Variants in MINDY2 observed in about 807,000 individuals in gnomAD.
The protein encoded by MINDY2 is MINDY lysine 48 deubiquitinase 2.
Under a neutral mutation model 68.2 loss-of-function variants are expected in MINDY2, and 52 were observed. The ratio of observed to expected loss-of-function variants is 0.76; its 90% CI spans 0.61 to 0.96. MINDY2 has a LOEUF of 0.96. MINDY2 is among the 40% of genes least tolerant of loss of function. The pLI, the probability that MINDY2 is intolerant of heterozygous loss-of-function variation, is 0.00. For missense variants in MINDY2, 881 were observed against 773.4 expected, an observed-to-expected ratio of 1.14 and a Z score of -1.65; for synonymous variants, 372 against 303.0, an observed-to-expected ratio of 1.23 and a Z score of -2.36.
chr15:58,835,884 TG>T (rs1235187526), intron 6 of MINDY2, among the ~76,000 whole-genome samples: 1 of 152,014 alleles, frequency 6.6e-6, no homozygotes, highest in Admixed American at 6.6e-5. Flanking sequence ...CACTAGATCT[TG>T]TAAAGTCTTG....
intron 1 of MINDY2, among the ~76,000 whole-genome samples, chr15:58,776,950 A>G (rs1174186058): frequency 2.0e-5 from 3 of 152,238 alleles, no homozygotes; most frequent in Non-Finnish European, 4.4e-5. Context: ...TGAACTAATA[A>G]GTAGTAACTA....
intron 6 of MINDY2, among the ~76,000 whole-genome samples, chr15:58,844,219 A>G (rs2032414571): frequency 6.6e-6 from 1 of 152,192 alleles, no homozygotes; most frequent in Non-Finnish European, 1.5e-5. Context: ...TTGCTATTCT[A>G]TGCTATACTT....
rs534144508 is a variant in MINDY2 at position 58,811,501 on chromosome 15, G to A, written c.1122+1113G>A. Reference sequence around the variant, plus strand: ...GTGTAGCATCTTAGACCTAGCAACAGCAGAAAATAATTGCCACTCCTAACT... The same window carrying A: ...GTGTAGCATCTTAGACCTAGCAACAACAGAAAATAATTGCCACTCCTAACT... On this transcript the variant is annotated intron_variant, in intron 4 of 8. Transcript: ENST00000559228. Among the ~76,000 whole-genome samples, 4 of 152,322 alleles carry A rather than the reference G, an allele frequency of 2.6e-5. No homozygotes were observed. In the South Asian group the frequency reaches 6.2e-4, roughly 24 times the overall value.
At chr15:58,785,648 G>A (rs1362976732) in intron 1 of MINDY2, among the ~76,000 whole-genome samples, 3 of 152,092 alleles carry the variant, frequency 2.0e-5, no homozygotes, top group Non-Finnish European at 4.4e-5. Context: ...CAGTTTTTCT[G>A]TAAATCCTAA....
At chr15:58,812,644 G>C (rs1488147621) in intron 4 of MINDY2, among the ~76,000 whole-genome samples, 2 of 152,120 alleles carry the variant, frequency 1.3e-5, no homozygotes, top group Non-Finnish European at 2.9e-5. Context: ...AGGACCACTT[G>C]GGCCCAGGAA....
chr15:58,798,273 T>A (rs969184434), intron 2 of MINDY2, among the ~76,000 whole-genome samples: 1 of 150,022 alleles, frequency 6.7e-6, no homozygotes, highest in Non-Finnish European at 1.5e-5. Context: ...CCCGCCACCA[T>A]GCCCAGCTAA....
chr15:58,839,418 A>G (rs1225452171), intron 6 of MINDY2, among the ~76,000 whole-genome samples: 2 of 151,598 alleles, frequency 1.3e-5, no homozygotes, highest in East Asian at 3.9e-4. Flanking sequence ...TGCAACCTCC[A>G]CCTCCCCGGT....
chr15:58,773,746 C>G (rs1320349051), intron 1 of MINDY2, among the ~76,000 whole-genome samples: 1 of 151,156 alleles, frequency 6.6e-6, no homozygotes. Context: ...TTTAACAGAT[C>G]TTTTAAGGAA....
At chr15:58,800,039 A>G (rs561168830) in intron 2 of MINDY2, among the ~76,000 whole-genome samples, 1 of 152,352 alleles carries the variant, frequency 6.6e-6, no homozygotes, top group Admixed American at 6.5e-5. Context: ...TTTTGAATAT[A>G]AATACGCTAT....
intron 2 of MINDY2, among the ~76,000 whole-genome samples, chr15:58,791,528 G>GT (rs1304059415): frequency 1.8e-4 from 27 of 150,422 alleles, no homozygotes; most frequent in Admixed American, 8.6e-4. Flanking sequence ...CAGGTGGGAG[G>GT]ATTGCTTGGG....
intron 2 of MINDY2, among the ~76,000 whole-genome samples, chr15:58,791,620 ATATG>A (rs200151819): frequency 4.7e-4 from 38 of 80,844 alleles, no homozygotes; most frequent in East Asian, 2.7e-3. Flanking sequence ...CTGTCTCAAA[ATATG>A]TGTGTGTGTG....
intron 5 of MINDY2, among the ~76,000 whole-genome samples, chr15:58,825,226 T>C (rs998607322): frequency 6.6e-5 from 10 of 152,246 alleles, no homozygotes; most frequent in African/African-American, 2.2e-4. Context: ...AGAAATGTTA[T>C]TTAGCAAATA....
intron 6 of MINDY2, among the ~76,000 whole-genome samples, chr15:58,843,587 A>G (rs1248467939): frequency 1.3e-5 from 2 of 152,158 alleles, no homozygotes; most frequent in Non-Finnish European, 2.9e-5. Context: ...TTAATTCTAC[A>G]TGGAGTAGTT....
chr15:58,851,717 T>C, intron 7 of MINDY2, 54 bp from the exon 8 acceptor site: 1 of 1,354,034 alleles, frequency 7.4e-7, no homozygotes, highest in Non-Finnish European at 1.0e-6. Context: ...TTTGCAGTCA[T>C]TCATTCTTGG....
chr15:58,853,815 TCAA>T (rs2032947843), intron 8 of MINDY2, among the ~76,000 whole-genome samples: 1 of 69,330 alleles, frequency 1.4e-5, no homozygotes, highest in Non-Finnish European at 2.8e-5. Context: ...AGACTCCATC[TCAA>T]TAAAAAAAAA....
intron 6 of MINDY2, among the ~76,000 whole-genome samples, chr15:58,842,079 T>C (rs1308829168): frequency 6.6e-6 from 1 of 151,994 alleles, no homozygotes; most frequent in Non-Finnish European, 1.5e-5. Context: ...AGCTTCTAGA[T>C]CTTTGGTTCA....
intron 6 of MINDY2, among the ~76,000 whole-genome samples, chr15:58,843,476 G>A (rs897150418): frequency 2.6e-5 from 4 of 152,004 alleles, no homozygotes; most frequent in African/African-American, 4.8e-5. Context: ...ATTTGAATCC[G>A]AGCTAGTTAA....
intron 1 of MINDY2, among the ~76,000 whole-genome samples, chr15:58,779,873 T>C (rs1462716334): frequency 6.6e-6 from 1 of 152,288 alleles, no homozygotes; most frequent in East Asian, 1.9e-4. Context: ...AGTAGTCTTT[T>C]AGTTAAAAAC....
intron 4 of MINDY2, among the ~76,000 whole-genome samples, chr15:58,820,746 G>C (rs373385274): frequency 6.6e-6 from 1 of 152,134 alleles, no homozygotes; most frequent in East Asian, 1.9e-4. Flanking sequence ...AGCTCCCCGA[G>C]TTTGAAAACC....
Sources: gnomAD v4.1 joint callset for allele counts (sites outside exome capture counted in the v4.1 genomes callset) on GRCh38, gnomAD v4.1.1 for gene constraint, MANE v1.5 for transcripts, NCBI Gene and HGNC (gene_info 2026-07-23, HGNC 2026-07-21) for gene names.